The following CAMTA1 variants were observed in gnomAD, a reference collection of about 807,000 sequenced individuals.
CAMTA1 encodes the protein calmodulin-binding transcription activator 1.
A neutral mutation model predicts 170.9 loss-of-function variants in CAMTA1; 27 were observed. That is an observed-to-expected ratio of 0.16 (90% CI 0.12 to 0.22). CAMTA1 has a LOEUF of 0.22. CAMTA1 is among the 10% of genes least tolerant of loss of function. The probability of loss-of-function intolerance (pLI) is 1.00; values close to 1 mark genes in which losing one functional copy is unlikely to be tolerated. For synonymous variants in CAMTA1, 833 were observed against 891.5 expected, an observed-to-expected ratio of 0.93 and a Z score of 1.17; for missense variants, 1,619 against 2,217.2, an observed-to-expected ratio of 0.73 and a Z score of 5.42.
At chr1:7,637,200 C>T (rs1294810940) in intron 6 of CAMTA1, among the ~76,000 whole-genome samples, 2 of 152,136 alleles carry the variant, frequency 1.3e-5, no homozygotes, top group Admixed American at 6.5e-5. Flanking sequence ...TGGCCTCCCA[C>T]GGGTCCCAGG....
chr1:6,985,664 C>G (rs145815569), intron 3 of CAMTA1, among the ~76,000 whole-genome samples: 2 of 152,308 alleles, frequency 1.3e-5, no homozygotes, highest in South Asian at 2.1e-4. Flanking sequence ...AGCAAATCTT[C>G]GAATTGCCAG....
At chr1:6,834,022 G>T (rs1436029103) in intron 3 of CAMTA1, among the ~76,000 whole-genome samples, 1 of 152,008 alleles carries the variant, frequency 6.6e-6, no homozygotes, top group Non-Finnish European at 1.5e-5. Flanking sequence ...GCCTCTCTTG[G>T]GTCTTAGGTG....
intron 6 of CAMTA1, among the ~76,000 whole-genome samples, chr1:7,520,217 C>T (rs1485431268): frequency 4.4e-3 from 3 of 676 alleles, no homozygotes; most frequent in Admixed American, 0.015. Context: ...CCTCCTCCTC[C>T]TCCTCCTCCT....
At chr1:7,624,846 C>G (rs1466126338) in intron 6 of CAMTA1, among the ~76,000 whole-genome samples, 4 of 152,188 alleles carry the variant, frequency 2.6e-5, no homozygotes, top group Non-Finnish European at 5.9e-5. Context: ...ACACAGAGGA[C>G]TGTCAGGGGA....
chr1:6,926,638 CTTCT>C (rs1484526800), intron 3 of CAMTA1, among the ~76,000 whole-genome samples: 1 of 145,824 alleles, frequency 6.9e-6, no homozygotes, highest in Non-Finnish European at 1.5e-5. Flanking sequence ...CCCTCCTCTT[CTTCT>C]TTCTTTCTCT....
chr1:7,009,040 C>A (rs758427287), intron 3 of CAMTA1, among the ~76,000 whole-genome samples: 4 of 152,218 alleles, frequency 2.6e-5, no homozygotes, highest in Non-Finnish European at 4.4e-5. Flanking sequence ...GGAGGGTCAG[C>A]GGCCATGCCC....
intron 19 of CAMTA1, 111 bp from the exon 20 acceptor site, chr1:7,751,088 T>G: frequency 1.2e-6 from 1 of 863,346 alleles, no homozygotes; most frequent in Non-Finnish European, 1.9e-6. Context: ...GAGAATGTGA[T>G]AATAGAGGGG....
At chr1:6,800,088 CTGTT>C (rs1358792807) in intron 1 of CAMTA1, among the ~76,000 whole-genome samples, 4 of 151,992 alleles carry the variant, frequency 2.6e-5, no homozygotes, top group Non-Finnish European at 1.5e-5. Flanking sequence ...TTAGGTCTGT[CTGTT>C]TAATATACTA....
In CAMTA1 at chr1:6,990,817, ATATT is replaced by A. The variant is rs1468233375; in HGVS notation, c.235-100483_235-100480del. ...TCTCTCTCTCTCTCTATATATATAT[ATATT>A]TATATATATATGTGTGTGTGTGTTT... On this transcript the variant is annotated intron_variant, in intron 3 of 22. Transcript: ENST00000303635. Among the ~76,000 whole-genome samples, 860 of 148,214 alleles carry A rather than the reference ATATT, an allele frequency of 5.8e-3. 5 individuals are homozygous for A. The highest frequency in any genetic ancestry group is 0.012 in the African/African-American group (502 of 40,414).
chr1:7,179,028 G>C (rs80099124), intron 4 of CAMTA1, among the ~76,000 whole-genome samples: 27,545 of 152,124 alleles, frequency 0.18, 2,864 homozygotes, highest in Non-Finnish European at 0.22. Flanking sequence ...TGCCCTAAGT[G>C]AGGAACACCA....
chr1:6,795,171 T>C (rs541100531), intron 1 of CAMTA1, among the ~76,000 whole-genome samples: 11 of 152,264 alleles, frequency 7.2e-5, no homozygotes, highest in Non-Finnish European at 1.6e-4. Context: ...AAATGTGACT[T>C]CTTTTAAAAC....
At chr1:7,716,128 G>T (rs1334280315) in intron 11 of CAMTA1, among the ~76,000 whole-genome samples, 1 of 152,150 alleles carries the variant, frequency 6.6e-6, no homozygotes, top group Non-Finnish European at 1.5e-5. Flanking sequence ...CACCTTCTGG[G>T]CTCACGTGAT....
intron 4 of CAMTA1, among the ~76,000 whole-genome samples, chr1:7,101,964 G>A (rs143927924): frequency 1.3e-5 from 2 of 151,756 alleles, no homozygotes; most frequent in East Asian, 2.0e-4. Context: ...CATAATGCAT[G>A]CATGCAGCAC....
intron 5 of CAMTA1, among the ~76,000 whole-genome samples, chr1:7,284,113 G>A (rs986947905): frequency 4.8e-4 from 70 of 144,872 alleles, no homozygotes; most frequent in African/African-American, 1.5e-3. Flanking sequence ...ATGCTGTTTC[G>A]GTATTTGCTG....
chr1:7,415,728 G>C (rs1352072110), intron 5 of CAMTA1, among the ~76,000 whole-genome samples: 2 of 152,058 alleles, frequency 1.3e-5, no homozygotes, highest in African/African-American at 4.8e-5. Context: ...GCCAGTCTGT[G>C]TCTTTTAATT....
chr1:7,690,199 C>T (rs777609690), intron 11 of CAMTA1, among the ~76,000 whole-genome samples: 1 of 152,178 alleles, frequency 6.6e-6, no homozygotes, highest in African/African-American at 2.4e-5. Context: ...GAGCCCTGGG[C>T]GGCTTCTGTG....
rs185291006 is a variant in CAMTA1, at chr1:7,272,641, T to C, written c.438+23015T>C. On this transcript the variant is annotated intron_variant, in intron 5 of 22. Coordinates refer to ENST00000303635, the MANE Select transcript of CAMTA1 (RefSeq NM_015215.4). The stretch of plus-strand genomic sequence containing the variant: ...ACAAAGGACCAAGACAATTTAATCA[T>C]GATAGAATAGTCTTTTCAGAAAGGT... Among the ~76,000 whole-genome samples the C allele has an allele frequency of 7.1e-3, 847 of 119,570 alleles. 1 individual carries two copies. The highest frequency in any genetic ancestry group is 0.01 in the Non-Finnish European group (644 of 61,724). The allele number at this position is 119,570 out of a possible 152,430, so 78.4% of individuals were successfully genotyped here.
At chr1:7,614,491 T>C (rs1403680626) in intron 6 of CAMTA1, among the ~76,000 whole-genome samples, 1 of 152,168 alleles carries the variant, frequency 6.6e-6, no homozygotes, top group Non-Finnish European at 1.5e-5. Flanking sequence ...CAAGTCACCG[T>C]GCGACCTTCC....
At chr1:7,474,291 A>G (rs1386176500) in intron 6 of CAMTA1, among the ~76,000 whole-genome samples, 1 of 136,904 alleles carries the variant, frequency 7.3e-6, no homozygotes, top group African/African-American at 2.7e-5. Context: ...TCATCCATAA[A>G]ATGGAGCCAA....
Sources: gnomAD v4.1 joint callset for allele counts (sites outside exome capture counted in the v4.1 genomes callset) on GRCh38, gnomAD v4.1.1 for gene constraint, MANE v1.5 for transcripts, NCBI Gene and HGNC (gene_info 2026-07-23, HGNC 2026-07-21) for gene names.